The following ADAMTS17 variants were observed in gnomAD, a reference collection of about 807,000 sequenced individuals.
The protein encoded by ADAMTS17 is A disintegrin and metalloproteinase with thrombospondin motifs 17.
A neutral mutation model predicts 141.5 loss-of-function variants in ADAMTS17; 113 were observed. That is an observed-to-expected ratio of 0.80 (90% CI 0.69 to 0.93). The LOEUF (loss-of-function observed/expected upper bound fraction) is 0.93. Ranked by LOEUF, ADAMTS17 falls within the 40% of genes least tolerant of loss-of-function variation. The pLI, the probability that ADAMTS17 is intolerant of heterozygous loss-of-function variation, is 0.00. For synonymous variants in ADAMTS17, 768 were observed against 630.6 expected (o/e 1.22, Z -3.27); for missense variants, 1,659 against 1,517.9 (o/e 1.09, Z -1.54).
At chr15:100,291,019 A>T (rs2044607820) in intron 3 of ADAMTS17, among the ~76,000 whole-genome samples, 1 of 152,220 alleles carries the variant, frequency 6.6e-6, no homozygotes. Context: ...TAATTAAACC[A>T]AAGAGCCCTT....
chr15:99,990,388 A>T (rs2573604), intron 20 of ADAMTS17, among the ~76,000 whole-genome samples: 16,298 of 152,150 alleles, frequency 0.11, 2,670 homozygotes, highest in African/African-American at 0.35. Flanking sequence ...TCTGCCAGTG[A>T]AAGATACATC....
chr15:100,225,307 G>A (rs1443362234), intron 7 of ADAMTS17, among the ~76,000 whole-genome samples: 4 of 152,214 alleles, frequency 2.6e-5, no homozygotes, highest in African/African-American at 9.6e-5. Flanking sequence ...AATGTATATG[G>A]TTTCGTTAAA....
chr15:100,063,624 T>C (rs1480019786), intron 15 of ADAMTS17: 1 of 1,276,140 alleles, frequency 7.8e-7, no homozygotes, highest in Non-Finnish European at 1.0e-6. Flanking sequence ...ACCAGACTGA[T>C]CATCAAAATC....
chr15:100,306,984 G>T (rs1216167402), intron 3 of ADAMTS17, among the ~76,000 whole-genome samples: 1 of 152,176 alleles, frequency 6.6e-6, no homozygotes, highest in Non-Finnish European at 1.5e-5. Flanking sequence ...GAGGACCATG[G>T]CAGGGACTGA....
At chr15:100,109,236 G>C in intron 13 of ADAMTS17, 120 bp from the exon 14 acceptor site, 1 of 962,070 alleles carries the variant, frequency 1.0e-6, no homozygotes, top group Non-Finnish European at 1.4e-6. Context: ...GGTCAGTAAA[G>C]GTGCATGAGC....
At chr15:100,279,074 T>C (rs1205719715) in intron 4 of ADAMTS17, among the ~76,000 whole-genome samples, 8 of 152,140 alleles carry the variant, frequency 5.3e-5, no homozygotes, top group East Asian at 1.9e-4. Flanking sequence ...GAACGGTGCA[T>C]TGGGGGTTCA....
rs141075103 is a variant in ADAMTS17, at chr15:100,277,655, AC to A, written c.789+3573del. The stretch of plus-strand genomic sequence containing the variant: ...CAATGCAGCCCGTCATTAACCGGCC[AC>A]CGGGGAGACGTGGGTTTGTGCACAC... On this transcript the variant is annotated intron_variant, in intron 4 of 21. Transcript: ENST00000268070. Among the ~76,000 whole-genome samples, 821 of 152,290 alleles carry A rather than the reference AC, an allele frequency of 5.4e-3. 16 individuals carry two copies. In the East Asian group the frequency reaches 0.069, roughly 13 times the overall value.
intron 8 of ADAMTS17, among the ~76,000 whole-genome samples, chr15:100,188,429 G>C (rs531715421): frequency 7.9e-5 from 12 of 151,926 alleles, no homozygotes; most frequent in South Asian, 4.2e-4. Context: ...CACAAAACCA[G>C]GTGCTTTGGG....
intron 7 of ADAMTS17, among the ~76,000 whole-genome samples, chr15:100,233,643 G>T (rs890816135): frequency 6.6e-6 from 1 of 152,234 alleles, no homozygotes; most frequent in Admixed American, 6.5e-5. Context: ...GCAAAGGACA[G>T]AGAAACACGC....
chr15:100,289,256 T>C (rs2044548641), intron 3 of ADAMTS17, among the ~76,000 whole-genome samples: 2 of 152,132 alleles, frequency 1.3e-5, no homozygotes. Flanking sequence ...AACTGATGAA[T>C]TCCTGGAAAC....
chr15:100,120,714 TAAAAC>T (rs1292625895), intron 12 of ADAMTS17, among the ~76,000 whole-genome samples: 6 of 152,166 alleles, frequency 3.9e-5, no homozygotes, highest in South Asian at 2.1e-4. Flanking sequence ...CACTAAATCA[TAAAAC>T]AAAACAAAAC....
intron 8 of ADAMTS17, among the ~76,000 whole-genome samples, chr15:100,197,655 C>T (rs1389673123): frequency 6.6e-6 from 1 of 152,178 alleles, no homozygotes; most frequent in African/African-American, 2.4e-5. Flanking sequence ...TTCACCAGGT[C>T]CTGGGTCAGT....
intron 14 of ADAMTS17, among the ~76,000 whole-genome samples, chr15:100,100,591 G>C (rs558357058): frequency 6.6e-6 from 1 of 151,322 alleles, no homozygotes; most frequent in Admixed American, 6.6e-5. Context: ...CTTCTATTTT[G>C]GGATGTACCC....
In ADAMTS17 at chr15:99,974,274, C is replaced by CG; in HGVS notation, c.*127dup. 8.0e-7 allele frequency: 1 copy of CG among 1,243,612 alleles called. No homozygotes were observed. The highest frequency in any genetic ancestry group is 1.2e-6 in the Non-Finnish European group (1 of 860,700). The allele number at this position is 1,243,612 out of a possible 1,614,324, so 77.0% of individuals were successfully genotyped here. A position where few individuals can be genotyped will look rare whatever the true frequency, so the allele number is the denominator to read the frequency against. ...GCACTAATGGCAAACGCCAAGTCCACGCTCATGTTCTATGTAGTTGGATTC... is the reference window on the plus strand; with the variant it reads ...GCACTAATGGCAAACGCCAAGTCCACGGCTCATGTTCTATGTAGTTGGATTC... On this transcript the variant is annotated 3_prime_UTR_variant, in exon 22 of 22. Coordinates refer to ENST00000268070, the MANE Select transcript of ADAMTS17 (RefSeq NM_139057.4).
intron 20 of ADAMTS17, chr15:99,979,595 A>T (rs1596142304): frequency 6.3e-5 from 1 of 15,964 alleles, no homozygotes; most frequent in Non-Finnish European, 1.8e-4. Context: ...GGACAGACTG[A>T]AAAAAGGGCA....
chr15:100,023,491 C>T (rs1011575740), intron 18 of ADAMTS17, among the ~76,000 whole-genome samples: 1 of 152,036 alleles, frequency 6.6e-6, no homozygotes, highest in Non-Finnish European at 1.5e-5. Context: ...CAGGGGTGAG[C>T]CACTTTGCCT....
intron 3 of ADAMTS17, among the ~76,000 whole-genome samples, chr15:100,320,829 T>C (rs1231558388): frequency 6.6e-6 from 1 of 151,924 alleles, no homozygotes; most frequent in Non-Finnish European, 1.5e-5. Context: ...CAAGACTCTG[T>C]CTCAAAAGAA....
chr15:99,974,555 C>A lies in ADAMTS17; in HGVS notation c.3135G>T (p.Leu1045=). The A allele has an allele frequency of 6.2e-7, 1 of 1,614,226 alleles. No homozygotes were observed. Among genetic ancestry groups the A allele is most frequent in the Non-Finnish European group, 8.5e-7 (1 of 1,180,036 alleles). The change falls in exon 22 of 22, where the codon CTG becomes CTT. Residue 1045 remains leucine (L), a synonymous_variant. Transcript: ENST00000268070. ...ACTGGTCTCGTGTGCATTTGTAGGT[C>A]AGAGCAGCTAAGGGGATAGGAGAGA... is the stretch of plus-strand genomic sequence containing the variant. ...NTITSPRLAA[L]TYKCTRDQWT...
chr15:100,159,385 TTCTTTC>T (rs1417411295), intron 8 of ADAMTS17, among the ~76,000 whole-genome samples: 1 of 152,268 alleles, frequency 6.6e-6, no homozygotes, highest in Non-Finnish European at 1.5e-5. Flanking sequence ...TGGTAGCTTT[TTCTTTC>T]TCTATTTCAT....
Sources: allele counts gnomAD v4.1 joint callset (sites outside exome capture counted in the v4.1 genomes callset), GRCh38; gene constraint gnomAD v4.1.1; transcripts MANE v1.5; gene names NCBI Gene and HGNC (gene_info 2026-07-23, HGNC 2026-07-21).